MRAP: variants seen among roughly 807,000 people sequenced by gnomAD.
MRAP encodes melanocortin-2 receptor accessory protein.
Under a neutral mutation model 8.7 loss-of-function variants are expected in MRAP, and 8 were observed. The ratio of observed to expected loss-of-function variants is 0.92; its 90% confidence interval spans 0.54 to 1.66. The LOEUF (loss-of-function observed/expected upper bound fraction) is 1.66, where lower values mean the gene tolerates loss of function less well. MRAP is among the 40% of genes most tolerant of loss of function. The pLI, the probability that MRAP is intolerant of heterozygous loss-of-function variation, is 0.00. For missense variants in MRAP, 237 were observed against 217.1 expected, an observed-to-expected ratio of 1.09 and a Z score of -0.58; for synonymous variants, 95 against 95.5, an observed-to-expected ratio of 1.00 and a Z score of 0.03.
chr21:32,309,159 G>A (rs900706242), intron 2 of MRAP, among the ~76,000 whole-genome samples: 1 of 152,152 alleles, frequency 6.6e-6, no homozygotes, highest in Non-Finnish European at 1.5e-5. Context: ...CTTCTGGTGA[G>A]GGCCTCATTT....
upstream of MRAP, among the ~76,000 whole-genome samples, chr21:32,297,295 A>G (rs1362295027): frequency 6.6e-6 from 1 of 152,198 alleles, no homozygotes; most frequent in Non-Finnish European, 1.5e-5. Flanking sequence ...TGGAAAGGGG[A>G]GAGAGGCTGG....
chr21:32,305,137 C>T (rs1568798115), intron 1 of MRAP, among the ~76,000 whole-genome samples: 2 of 151,660 alleles, frequency 1.3e-5, no homozygotes, highest in African/African-American at 4.8e-5. Flanking sequence ...CCCAGGTAAT[C>T]AAAAAAATTT....
At chr21:32,300,051 G>A (rs2032223558) in intron 1 of MRAP, among the ~76,000 whole-genome samples, 1 of 152,206 alleles carries the variant, frequency 6.6e-6, no homozygotes, top group Non-Finnish European at 1.5e-5. Flanking sequence ...TATCCCGTAG[G>A]AAGTCTTAGC....
chr21:32,310,096 G>C (rs1050808926), intron 2 of MRAP, among the ~76,000 whole-genome samples: 7 of 152,198 alleles, frequency 4.6e-5, no homozygotes, highest in African/African-American at 1.7e-4. Context: ...AAAGATCCCT[G>C]GTCTGGTCCG....
Position 32,301,093 on chromosome 21 carries a change from TATG to T in MRAP, c.106+2019_106+2021del, listed in dbSNP as rs533694005. 1.7e-3 allele frequency among the ~76,000 whole-genome samples: 251 copies of T among 149,180 alleles called. 2 individuals carry two copies. In the Middle Eastern group the frequency reaches 0.028, roughly 17 times the overall value. ...TCCATATATATCATGATATATCGTA[TATG>T]ATATCATATATCATATGATATATGA... On this transcript the variant is annotated intron_variant, in intron 1 of 2. Transcript: ENST00000303645.
At chr21:32,303,845 T>C (rs1487938991) in intron 1 of MRAP, among the ~76,000 whole-genome samples, 2 of 152,250 alleles carry the variant, frequency 1.3e-5, no homozygotes, top group Non-Finnish European at 2.9e-5. Context: ...CTATTTTTTT[T>C]CAACAGAACA....
chr21:32,312,054 CAT>C lies in MRAP; in HGVS notation c.*60_*61del. On this transcript the variant is annotated 3_prime_UTR_variant, in exon 3 of 3. Coordinates refer to ENST00000303645, the MANE Select transcript of MRAP (RefSeq NM_001379228.1). ...TGGTGAAATCAAGCCAACCTGGACA[CAT>C]ACGTTCCTCGTTCTTCTTAGAGGCC... is the stretch of plus-strand genomic sequence containing the variant. 6.2e-7 allele frequency: 1 copy of C among 1,609,760 alleles called. No homozygotes were observed.
At chr21:32,308,277 C>A (rs1188364085) in intron 2 of MRAP, among the ~76,000 whole-genome samples, 1 of 151,806 alleles carries the variant, frequency 6.6e-6, no homozygotes, top group Non-Finnish European at 1.5e-5. Flanking sequence ...ACTCGTGAGG[C>A]CAAGCAGGAG....
chr21:32,312,409 A>G (rs2032604096), downstream of MRAP: 5 of 923,514 alleles, frequency 5.4e-6, no homozygotes, highest in Admixed American at 1.6e-4. Context: ...GTTCCCATCC[A>G]AGCTCCACTA....
upstream of MRAP, among the ~76,000 whole-genome samples, chr21:32,293,943 G>A (rs898566761): frequency 1.3e-5 from 2 of 151,550 alleles, no homozygotes; most frequent in Admixed American, 6.6e-5. Context: ...ATCCATCATG[G>A]ATATTTTAAA....
rs2032055527 is a variant in MRAP at position 32,291,851 on chromosome 21, T to C, written c.-151+2T>C. ...GCTATGCAGGTGTGTGGGCTGGAGG[T>C]ATATAGAAAATCTGCCCCTTTTTCT... On this transcript the variant is annotated splice_donor_variant, in intron 1 of 4. Coordinates refer to the MRAP transcript ENST00000399784. LOFTEE classifies it low-confidence loss of function (5UTR_SPLICE). 2.0e-5 allele frequency: 3 copies of C among 151,972 alleles called. No homozygotes were observed. Among genetic ancestry groups the C allele is most frequent in the Admixed American group, 6.6e-5 (1 of 15,258 alleles). The allele number at this position is 151,972 out of a possible 1,614,324, so 9.4% of individuals were successfully genotyped here. A position where few individuals can be genotyped will look rare whatever the true frequency, so the allele number is the denominator to read the frequency against.
At chr21:32,301,112 T>C (rs1204062647) in intron 1 of MRAP, among the ~76,000 whole-genome samples, 1 of 151,202 alleles carries the variant, frequency 6.6e-6, no homozygotes, top group Non-Finnish European at 1.5e-5. Context: ...ATATATCATA[T>C]GATATATGAT....
chr21:32,306,933 C>CT (rs2032435135), intron 2 of MRAP, 194 bp downstream of exon 2: 1 of 648,056 alleles, frequency 1.5e-6, no homozygotes, highest in Admixed American at 2.1e-5. Flanking sequence ...CGAGCATTTC[C>CT]TTTGAGCCTC....
chr21:32,309,767 A>T (rs1419594823), intron 2 of MRAP, among the ~76,000 whole-genome samples: 1 of 142,184 alleles, frequency 7.0e-6, no homozygotes, highest in Non-Finnish European at 1.5e-5. Context: ...GCTTGGCGAA[A>T]CCCTGTCTCT....
At chr21:32,296,018 T>C (rs2032133221), upstream of MRAP, among the ~76,000 whole-genome samples, 1 of 152,016 alleles carries the variant, frequency 6.6e-6, no homozygotes, top group South Asian at 2.1e-4. Context: ...AACACAGAAA[T>C]GTATTTCCTC....
downstream of MRAP, chr21:32,314,457 T>C: frequency 8.5e-7 from 1 of 1,170,624 alleles, no homozygotes; most frequent in South Asian, 1.2e-5. Flanking sequence ...AGTGCTGGGA[T>C]TATAGGCGTG....
At chr21:32,314,536 C>G (rs1258203668), downstream of MRAP, 2 of 1,609,018 alleles carry the variant, frequency 1.2e-6, no homozygotes, top group Admixed American at 1.7e-5. Context: ...AATCTGATAC[C>G]TTTTGACATT....
At chr21:32,304,962 G>T (rs200695205) in intron 1 of MRAP, among the ~76,000 whole-genome samples, 6,933 of 99,952 alleles carry the variant, frequency 0.069, 199 homozygotes, top group East Asian at 0.097. Context: ...TGTTTTTTTT[G>T]TTGTTTTTTT....
At chr21:32,295,569 T>C (rs749061110), upstream of MRAP, among the ~76,000 whole-genome samples, 1 of 152,190 alleles carries the variant, frequency 6.6e-6, no homozygotes. Flanking sequence ...ACTCCTGGTG[T>C]ATGTGTAGGG....
Sources: gnomAD v4.1 joint callset for allele counts (sites outside exome capture counted in the v4.1 genomes callset) on GRCh38, gnomAD v4.1.1 for gene constraint, MANE v1.5 for transcripts, NCBI Gene and HGNC (gene_info 2026-07-23, HGNC 2026-07-21) for gene names.